The following FTO variants were observed in gnomAD, a reference collection of about 807,000 sequenced individuals.
FTO encodes the protein FTO alpha-ketoglutarate dependent dioxygenase.
In FTO, 47 loss-of-function variants were observed where a neutral mutation model predicts 63.9. The observed-to-expected ratio is 0.74, with a 90% CI of 0.58 to 0.94. The LOEUF is 0.94. Ranked by LOEUF, FTO falls within the 40% of genes least tolerant of loss-of-function variation. The pLI, the probability that FTO is intolerant of heterozygous loss-of-function variation, is 0.00. For missense variants in FTO, 562 were observed against 618.1 expected, an observed-to-expected ratio of 0.91 and a Z score of 0.96; for synonymous variants, 207 against 224.4, an observed-to-expected ratio of 0.92 and a Z score of 0.69.
At chr16:53,801,042 A>T (rs1334473062) in intron 1 of FTO, among the ~76,000 whole-genome samples, 1 of 152,150 alleles carries the variant, frequency 6.6e-6, no homozygotes, top group Non-Finnish European at 1.5e-5. Flanking sequence ...CTTTTAAAAA[A>T]ATCCAATTTG....
chr16:53,999,879 A>G (rs1383378013), intron 8 of FTO: 1 of 152,238 alleles, frequency 6.6e-6, no homozygotes, highest in Non-Finnish European at 1.5e-5. Context: ...CTGGATTGAC[A>G]GACATTCTTT....
chr16:53,804,079 C>T (rs1023013101), intron 1 of FTO, among the ~76,000 whole-genome samples: 14 of 152,194 alleles, frequency 9.2e-5, no homozygotes, highest in African/African-American at 3.1e-4. Flanking sequence ...GTGCCAGACA[C>T]TGTTCTTAGA....
At chr16:53,744,171 A>G (rs1442213625) in intron 1 of FTO, among the ~76,000 whole-genome samples, 1 of 152,166 alleles carries the variant, frequency 6.6e-6, no homozygotes, top group Admixed American at 6.5e-5. Flanking sequence ...ACCCATTATC[A>G]TAGAAACTGC....
In FTO at chr16:53,937,628, G is replaced by A. The variant is rs78938295; in HGVS notation, c.1364+3519G>A. ...CGTGAGTGAGAGGAGGGTGGGGCCC[G>A]GCGTATTAGGTTTGATAAATGAACT... is the stretch of plus-strand genomic sequence containing the variant. On this transcript the variant is annotated intron_variant, in intron 8 of 8. Coordinates refer to ENST00000471389, the MANE Select transcript of FTO (RefSeq NM_001080432.3). 1,201 of 179,198 alleles carry A rather than the reference G, an allele frequency of 6.7e-3. 6 individuals carry two copies. Among genetic ancestry groups the A allele is most frequent in the Non-Finnish European group, 0.011 (916 of 86,176 alleles). 11.1% of individuals were successfully genotyped at this position (179,198 alleles called of 1,614,324 possible). A position where few individuals can be genotyped will look rare whatever the true frequency, so the allele number is the denominator to read the frequency against.
At chr16:54,092,620 A>G (rs1366277154) in intron 8 of FTO, among the ~76,000 whole-genome samples, 1 of 152,168 alleles carries the variant, frequency 6.6e-6, no homozygotes, top group African/African-American at 2.4e-5. Flanking sequence ...ATGGAGAAAT[A>G]ATTCACAGAC....
chr16:53,720,025 C>T (rs556080319), intron 1 of FTO, among the ~76,000 whole-genome samples: 5 of 152,056 alleles, frequency 3.3e-5, no homozygotes, highest in African/African-American at 1.2e-4. Flanking sequence ...ACCCTGAATT[C>T]CCCCATTCCC....
chr16:53,882,255 C>A, intron 6 of FTO, among the ~76,000 whole-genome samples: 1 of 151,590 alleles, frequency 6.6e-6, no homozygotes, highest in East Asian at 1.9e-4. Context: ...CTCTTCTGGG[C>A]GCTTTAGAAT....
intron 8 of FTO, among the ~76,000 whole-genome samples, chr16:53,971,145 A>G (rs2083308219): frequency 6.6e-6 from 1 of 152,210 alleles, no homozygotes; most frequent in Non-Finnish European, 1.5e-5. Context: ...TTCCATGTAG[A>G]GGATGTATTA....
intron 1 of FTO, among the ~76,000 whole-genome samples, chr16:53,756,318 G>A (rs1376044415): frequency 6.6e-6 from 1 of 152,164 alleles, no homozygotes; most frequent in Non-Finnish European, 1.5e-5. Flanking sequence ...GTTGGTGGCA[G>A]CAACAGCTTC....
intron 2 of FTO, among the ~76,000 whole-genome samples, chr16:53,825,400 T>C (rs1011157450): frequency 2.0e-5 from 3 of 152,228 alleles, no homozygotes; most frequent in African/African-American, 7.2e-5. Flanking sequence ...TTAATGTCTC[T>C]GTGTTTCAGT....
At chr16:53,720,603 G>A (rs115179667) in intron 1 of FTO, among the ~76,000 whole-genome samples, 14,150 of 144,748 alleles carry the variant, frequency 0.098, 1,567 homozygotes, top group African/African-American at 0.28. Flanking sequence ...TAGGAACACA[G>A]AAACTTAAAA....
At chr16:53,758,278 T>C (rs1018803709) in intron 1 of FTO, among the ~76,000 whole-genome samples, 2 of 152,222 alleles carry the variant, frequency 1.3e-5, no homozygotes, top group African/African-American at 4.8e-5. Flanking sequence ...GCAGGACATC[T>C]AGATTTTTAT....
intron 8 of FTO, among the ~76,000 whole-genome samples, chr16:54,067,140 T>A (rs1125989): frequency 5.2e-4 from 2 of 3,862 alleles, no homozygotes; most frequent in African/African-American, 5.8e-4. Flanking sequence ...GTTGTTGTTG[T>A]TTTTTTTTTG....
At chr16:54,080,572 T>C (rs181729424) in intron 8 of FTO, among the ~76,000 whole-genome samples, 165 of 152,310 alleles carry the variant, frequency 1.1e-3, no homozygotes, top group Non-Finnish European at 1.8e-3. Context: ...GGGGACTCTG[T>C]TAGCTAAACT....
chr16:53,794,673 T>C (rs1429931959), intron 1 of FTO, among the ~76,000 whole-genome samples: 14 of 152,162 alleles, frequency 9.2e-5, no homozygotes, highest in Admixed American at 9.2e-4. Context: ...ATTTCAAGAA[T>C]AGCAACTGAA....
chr16:53,793,461 TA>T lies in FTO; in HGVS notation c.46-16671del, dbSNP rs950599803. Among the ~76,000 whole-genome samples, 6 of 152,226 alleles carry T rather than the reference TA, an allele frequency of 3.9e-5. No individual in the cohort carries two copies. In the East Asian group the frequency reaches 7.7e-4, roughly 20 times the overall value. ...TTATTTTGTACTTGTTTTTATTTAT[TA>T]AAAAAAATTTCCCTTGGAAAAGAAA... On this transcript the variant is annotated intron_variant, in intron 1 of 8. Coordinates refer to ENST00000471389, the MANE Select transcript of FTO (RefSeq NM_001080432.3).
At chr16:53,861,928 A>G (rs1033071647) in intron 4 of FTO, among the ~76,000 whole-genome samples, 6 of 152,092 alleles carry the variant, frequency 3.9e-5, no homozygotes, top group Non-Finnish European at 8.8e-5. Context: ...GATTGGCTAT[A>G]GGATTCTTAA....
intron 7 of FTO, among the ~76,000 whole-genome samples, chr16:53,890,036 TG>T (rs1197735104): frequency 1.3e-5 from 2 of 152,134 alleles, no homozygotes; most frequent in African/African-American, 4.8e-5. Flanking sequence ...GTGAGGGAGC[TG>T]GAATCTGAAC....
Position 54,068,491 on chromosome 16 carries a change from C to T in FTO, c.1365-43271C>T, listed in dbSNP as rs577950793. Among the ~76,000 whole-genome samples the T allele has an allele frequency of 3.9e-5, 6 of 152,240 alleles. No homozygotes were observed. In the South Asian group the frequency reaches 1.2e-3, roughly 32 times the overall value. On this transcript the variant is annotated intron_variant, in intron 8 of 8. Coordinates refer to ENST00000471389, the MANE Select transcript of FTO (RefSeq NM_001080432.3). ...TTGTTTTCTGGCAAGGTAACAGTTA[C>T]CTGGCCCTATTGTTCACATGTCCCC... is the stretch of plus-strand genomic sequence containing the variant.
Sources: gnomAD v4.1 joint callset for allele counts (sites outside exome capture counted in the v4.1 genomes callset) on GRCh38, gnomAD v4.1.1 for gene constraint, MANE v1.5 for transcripts, NCBI Gene and HGNC (gene_info 2026-07-23, HGNC 2026-07-21) for gene names.